The following COL21A1 variants were observed in gnomAD, a reference collection of about 807,000 sequenced individuals.
COL21A1 encodes collagen alpha-1(XXI) chain.
Under a neutral mutation model 137.9 loss-of-function variants are expected in COL21A1, and 149 were observed. The ratio of observed to expected loss-of-function variants is 1.08; its 90% CI spans 0.95 to 1.24. The LOEUF (loss-of-function observed/expected upper bound fraction) is 1.24. Among genes scored for constraint, COL21A1 ranks in the 50% most tolerant of loss-of-function variants. COL21A1 has a pLI of 0.00. For missense variants in COL21A1, 1,167 were observed against 1,158.4 expected, an observed-to-expected ratio of 1.01 and a Z score of -0.11; for synonymous variants, 456 against 391.5, an observed-to-expected ratio of 1.16 and a Z score of -1.95.
At chr6:56,151,180 C>G (rs1459636811) in intron 10 of COL21A1, among the ~76,000 whole-genome samples, 4 of 152,124 alleles carry the variant, frequency 2.6e-5, no homozygotes, top group African/African-American at 9.7e-5. Flanking sequence ...GAGCCGAGAT[C>G]GCTCGGCTGC....
At chr6:56,077,635 G>A (rs1767364622) in intron 17 of COL21A1, 62 bp from the exon 18 acceptor site, 2 of 972,362 alleles carry the variant, frequency 2.1e-6, no homozygotes, top group African/African-American at 3.3e-5. Flanking sequence ...CATTAAAGAA[G>A]AAACAGTCAC....
chr6:56,307,524 G>T (rs9370518), intron 1 of COL21A1, among the ~76,000 whole-genome samples: 115,016 of 152,232 alleles, frequency 0.76, 45,459 homozygotes, highest in South Asian at 0.89. Context: ...CTCCAAGCCA[G>T]GCACGGGATA....
At chr6:56,247,129 C>T (rs1782697828) in intron 1 of COL21A1, among the ~76,000 whole-genome samples, 2 of 152,298 alleles carry the variant, frequency 1.3e-5, no homozygotes, top group East Asian at 3.9e-4. Context: ...AAGCCAAACA[C>T]TCCAAGGCAG....
At chr6:56,298,274 A>G (rs920108943) in intron 1 of COL21A1, among the ~76,000 whole-genome samples, 2 of 152,052 alleles carry the variant, frequency 1.3e-5, no homozygotes, top group Admixed American at 6.6e-5. Context: ...ACAAAAAACA[A>G]TTTTAGATAT....
chr6:56,154,254 G>C (rs530135787), intron 10 of COL21A1, among the ~76,000 whole-genome samples: 1 of 152,212 alleles, frequency 6.6e-6, no homozygotes, highest in African/African-American at 2.4e-5. Flanking sequence ...CCAAGACCTT[G>C]CCAAATACTA....
Position 56,369,765 on chromosome 6 carries a change from C to T in COL21A1, c.-39+24206G>A, listed in dbSNP as rs72875556. 5.9e-5 allele frequency among the ~76,000 whole-genome samples: 9 copies of T among 152,054 alleles called. No homozygotes were observed. In the East Asian group the frequency reaches 7.7e-4, roughly 13 times the overall value. On this transcript the variant is annotated intron_variant, in intron 1 of 28. Coordinates refer to the COL21A1 transcript ENST00000370819. ...AGAATCACATAAATGGCCATAAATA[C>T]GAAAAAATTGCTCAACCTCAATGAT...
At chr6:56,328,893 G>A (rs1765160302) in intron 1 of COL21A1, among the ~76,000 whole-genome samples, 1 of 152,056 alleles carries the variant, frequency 6.6e-6, no homozygotes, top group Non-Finnish European at 1.5e-5. Context: ...TTAACCAGCT[G>A]AATCTAAATA....
chr6:56,131,205 G>A (rs111739115), intron 12 of COL21A1, among the ~76,000 whole-genome samples: 1 of 151,934 alleles, frequency 6.6e-6, no homozygotes, highest in African/African-American at 2.4e-5. Flanking sequence ...TGAAATAATT[G>A]ATAAAAAGCC....
intron 1 of COL21A1, among the ~76,000 whole-genome samples, chr6:56,282,443 A>G (rs943469795): frequency 2.6e-5 from 4 of 152,234 alleles, no homozygotes; most frequent in Admixed American, 2.6e-4. Context: ...CAAAGGTACA[A>G]GGACTAGAGC....
At chr6:56,090,180 A>G (rs185482130) in intron 17 of COL21A1, among the ~76,000 whole-genome samples, 1 of 152,342 alleles carries the variant, frequency 6.6e-6, no homozygotes, top group Admixed American at 6.5e-5. Flanking sequence ...CAGAGGTTGC[A>G]GTGAGTCAAG....
At chr6:56,214,918 A>C (rs1330455197) in intron 1 of COL21A1, among the ~76,000 whole-genome samples, 1 of 152,110 alleles carries the variant, frequency 6.6e-6, no homozygotes, top group African/African-American at 2.4e-5. Context: ...AACAAATAAA[A>C]AGAGCCAAAG....
chr6:56,337,525 G>T (rs1421263270), intron 1 of COL21A1, among the ~76,000 whole-genome samples: 2 of 152,182 alleles, frequency 1.3e-5, no homozygotes, highest in African/African-American at 4.8e-5. Flanking sequence ...CAGGTTTCTG[G>T]TTTAGGGCTT....
intron 1 of COL21A1, among the ~76,000 whole-genome samples, chr6:56,211,727 T>A (rs1040992114): frequency 9.2e-5 from 14 of 152,090 alleles, no homozygotes; most frequent in African/African-American, 3.1e-4. Context: ...ACAAACGCTA[T>A]TTCACTGGGT....
intron 1 of COL21A1, among the ~76,000 whole-genome samples, chr6:56,294,841 T>C (rs1008032695): frequency 6.6e-6 from 1 of 152,082 alleles, no homozygotes; most frequent in Admixed American, 6.6e-5. Flanking sequence ...TTTTGGATAC[T>C]AGCCCTTTAT....
At chr6:56,359,847 A>ATCCGTG (rs1765925876) in intron 1 of COL21A1, among the ~76,000 whole-genome samples, 1 of 152,218 alleles carries the variant, frequency 6.6e-6, no homozygotes, top group Non-Finnish European at 1.5e-5. Flanking sequence ...CTGAAGTCCT[A>ATCCGTG]TCCGTGTCCT....
At chr6:56,260,978 C>A (rs1336834298) in intron 1 of COL21A1, among the ~76,000 whole-genome samples, 2 of 151,742 alleles carry the variant, frequency 1.3e-5, no homozygotes, top group Non-Finnish European at 1.5e-5. Context: ...ATATTCAAGT[C>A]TAATAAATAT....
chr6:56,378,201 A>T (rs2094002994), intron 1 of COL21A1, among the ~76,000 whole-genome samples: 1 of 152,164 alleles, frequency 6.6e-6, no homozygotes, highest in African/African-American at 2.4e-5. Context: ...GATGGAAAAG[A>T]AAAGCAGACT....
At chr6:56,365,215 A>G (rs1334312074) in intron 1 of COL21A1, among the ~76,000 whole-genome samples, 1 of 152,136 alleles carries the variant, frequency 6.6e-6, no homozygotes, top group Non-Finnish European at 1.5e-5. Context: ...AGCTATCTAC[A>G]CTTGACCAAA....
chr6:56,339,295 A>G (rs1582792457), intron 1 of COL21A1, among the ~76,000 whole-genome samples: 1 of 152,194 alleles, frequency 6.6e-6, no homozygotes, highest in African/African-American at 2.4e-5. Context: ...GTAAAGGTTT[A>G]TTAGATGGCA....
Sources: gnomAD v4.1 joint callset for allele counts (sites outside exome capture counted in the v4.1 genomes callset) on GRCh38, gnomAD v4.1.1 for gene constraint, MANE v1.5 for transcripts, NCBI Gene and HGNC (gene_info 2026-07-23, HGNC 2026-07-21) for gene names.